Variants in MEGF11 observed in about 807,000 individuals in gnomAD.
MEGF11 encodes the protein multiple epidermal growth factor-like domains protein 11.
Under a neutral mutation model 146.6 loss-of-function variants are expected in MEGF11, and 126 were observed. The observed-to-expected ratio is 0.86, with a 90% confidence interval of 0.74 to 1.00. The LOEUF is 1.00. MEGF11 is among the 50% of genes least tolerant of loss of function. MEGF11 has a pLI of 0.00. For synonymous variants in MEGF11, 532 were observed against 583.4 expected (o/e 0.91, Z 1.27); for missense variants, 1,509 against 1,521.2 (o/e 0.99, Z 0.13).
At chr15:66,201,340 G>A (rs1052196333) in intron 1 of MEGF11, among the ~76,000 whole-genome samples, 1 of 152,084 alleles carries the variant, frequency 6.6e-6, no homozygotes, top group South Asian at 2.1e-4. Flanking sequence ...GGCTGGAGAG[G>A]CTGTTTCGAG....
At chr15:66,032,483 G>A (rs568226672) in intron 5 of MEGF11, among the ~76,000 whole-genome samples, 8 of 152,346 alleles carry the variant, frequency 5.3e-5, no homozygotes, top group African/African-American at 1.9e-4. Flanking sequence ...CTCACAAGAA[G>A]AGAAGACTGG....
intron 1 of MEGF11, among the ~76,000 whole-genome samples, chr15:66,241,737 G>A (rs909956774): frequency 2.0e-5 from 3 of 152,094 alleles, no homozygotes; most frequent in African/African-American, 7.2e-5. Flanking sequence ...CACACATAGA[G>A]CAGTCATGCC....
intron 2 of MEGF11, among the ~76,000 whole-genome samples, chr15:66,127,720 GA>G (rs2088430503): frequency 6.6e-6 from 1 of 152,142 alleles, no homozygotes; most frequent in Admixed American, 6.5e-5. Flanking sequence ...CGTCTGCAGG[GA>G]CCCGGCCCAT....
chr15:66,156,831 T>C (rs1465649201), intron 1 of MEGF11, among the ~76,000 whole-genome samples: 1 of 152,166 alleles, frequency 6.6e-6, no homozygotes, highest in African/African-American at 2.4e-5. Flanking sequence ...CAATTTCCTC[T>C]GTACTGAGAG....
chr15:66,116,801 A>AC (rs1310025014), intron 4 of MEGF11, among the ~76,000 whole-genome samples: 1 of 151,890 alleles, frequency 6.6e-6, no homozygotes, highest in African/African-American at 2.4e-5. Context: ...CATTTACTCA[A>AC]CCCCCACTCT....
At chr15:66,202,070 TG>T (rs1156872063) in intron 1 of MEGF11, among the ~76,000 whole-genome samples, 2 of 150,522 alleles carry the variant, frequency 1.3e-5, no homozygotes, top group African/African-American at 4.9e-5. Context: ...GAATGGCAGA[TG>T]GGGGGCTGAA....
chr15:66,176,040 A>T (rs2090381133), intron 1 of MEGF11, among the ~76,000 whole-genome samples: 1 of 152,216 alleles, frequency 6.6e-6, no homozygotes, highest in African/African-American at 2.4e-5. Flanking sequence ...AAGATACACA[A>T]ATGACCAATA....
intron 1 of MEGF11, among the ~76,000 whole-genome samples, chr15:66,237,037 C>T (rs867111744): frequency 2.6e-5 from 4 of 152,184 alleles, no homozygotes; most frequent in East Asian, 1.9e-4. Flanking sequence ...CCAGGCACCC[C>T]GGGCTGTTGG....
At position 65,990,271 on chromosome 15, in the gene MEGF11, C is replaced by T. The variant is rs146110403; in HGVS notation, c.395-7783G>A. Among the ~76,000 whole-genome samples, 652 of 152,200 alleles carry T rather than the reference C, an allele frequency of 4.3e-3. 12 individuals carry two copies. Among genetic ancestry groups the T allele is most frequent in the African/African-American group, 0.015 (612 of 41,532 alleles). On this transcript the variant is annotated intron_variant, in intron 5 of 25. Coordinates refer to ENST00000395614, the MANE Select transcript of MEGF11 (RefSeq NM_001385028.1). ...GATGTCCCCATTCAGAAATACTGGG[C>T]CAGATGCGGTGGCTCACACCTGTAA... is the stretch of plus-strand genomic sequence containing the variant.
intron 5 of MEGF11, among the ~76,000 whole-genome samples, chr15:65,984,000 A>C (rs777616252): frequency 2.0e-5 from 3 of 152,118 alleles, no homozygotes; most frequent in Admixed American, 6.5e-5. Context: ...CAAGCGGTCA[A>C]TGTCATGGAG....
At chr15:66,015,780 G>A (rs1567202717) in intron 5 of MEGF11, among the ~76,000 whole-genome samples, 1 of 152,082 alleles carries the variant, frequency 6.6e-6, no homozygotes, top group Non-Finnish European at 1.5e-5. Flanking sequence ...AGGAGTGCTG[G>A]GAACTGCAAG....
chr15:65,934,543 A>G (rs1296430162), intron 10 of MEGF11, among the ~76,000 whole-genome samples: 1 of 152,046 alleles, frequency 6.6e-6, no homozygotes, highest in Non-Finnish European at 1.5e-5. Flanking sequence ...GAGCCACTGC[A>G]CCTGGCCAAA....
chr15:66,242,927 C>T (rs1854264756), intron 1 of MEGF11, among the ~76,000 whole-genome samples: 1 of 152,198 alleles, frequency 6.6e-6, no homozygotes. Context: ...GGAAATGGGA[C>T]ACAAGGCTGA....
At chr15:66,028,878 G>A (rs2083424741) in intron 5 of MEGF11, among the ~76,000 whole-genome samples, 1 of 152,224 alleles carries the variant, frequency 6.6e-6, no homozygotes, top group African/African-American at 2.4e-5. Flanking sequence ...CTGTGTTAAG[G>A]TGGAAGGACT....
chr15:66,194,330 C>T (rs970038374), intron 1 of MEGF11, among the ~76,000 whole-genome samples: 6 of 152,206 alleles, frequency 3.9e-5, no homozygotes, highest in South Asian at 2.1e-4. Flanking sequence ...TAGAATGAGC[C>T]GGGCATGGTG....
rs139230244 is a variant in MEGF11, at chr15:65,915,510, A to T, written c.2433T>A (p.Cys811Ter). 8 of 1,613,968 alleles carry T rather than the reference A, an allele frequency of 5.0e-6. No individual in the cohort carries two copies. Among genetic ancestry groups the T allele is most frequent in the Non-Finnish European group, 5.1e-6 (6 of 1,179,870 alleles). Residue 811 changes from cysteine (C) to a stop codon, truncating the protein, a stop_gained, in exon 19 of 26, where the codon TGT (cysteine) becomes TGA (stop). Transcript: ENST00000395614. LOFTEE classifies it high-confidence loss of function. The stretch of plus-strand genomic sequence containing the variant: ...TTCCTTTGAAGCCAGGGCTGCAGTA[A>T]CAGGTGCCGGTGACATGGTCACAGG... The part of the protein sequence containing the change: ...NSTCDHVTGT[C>*]YCSPGFKGIR...
intron 5 of MEGF11, among the ~76,000 whole-genome samples, chr15:65,983,903 G>A (rs958666002): frequency 1.3e-5 from 2 of 152,202 alleles, no homozygotes; most frequent in African/African-American, 4.8e-5. Flanking sequence ...TGGCCAGTAA[G>A]TGCATGTGAT....
At position 65,896,753 on chromosome 15, in the gene MEGF11, AAGT is replaced by A. The variant is rs2078366095; in HGVS notation, c.*1178_*1180del. 2.0e-5 allele frequency: 3 copies of A among 152,188 alleles called. No individual in the cohort carries two copies. In the South Asian group the frequency reaches 6.2e-4, roughly 32 times the overall value. The allele number at this position is 152,188 out of a possible 1,614,324, so 9.4% of individuals were successfully genotyped here. On this transcript the variant is annotated 3_prime_UTR_variant, in exon 26 of 26. Coordinates refer to ENST00000395614, the MANE Select transcript of MEGF11 (RefSeq NM_001385028.1). ...GTAATGCATATTGGGCTAGCTCAGT[AAGT>A]AGTAGTTTTAAGATAGAAGGTGGAA...
At chr15:66,149,692 C>G (rs563291596) in intron 1 of MEGF11, among the ~76,000 whole-genome samples, 1 of 152,188 alleles carries the variant, frequency 6.6e-6, no homozygotes, top group South Asian at 2.1e-4. Context: ...AGGTTAATTG[C>G]AGGATTCAAC....
Sources: allele counts gnomAD v4.1 joint callset (sites outside exome capture counted in the v4.1 genomes callset), GRCh38; gene constraint gnomAD v4.1.1; transcripts MANE v1.5; gene names NCBI Gene and HGNC (gene_info 2026-07-23, HGNC 2026-07-21).